ARMH4: variants seen among roughly 807,000 people sequenced by gnomAD.
ARMH4 encodes armadillo-like helical domain-containing protein 4.
Under a neutral mutation model 61.9 loss-of-function variants are expected in ARMH4, and 49 were observed. The ratio of observed to expected loss-of-function variants is 0.79; its 90% CI spans 0.63 to 1.00. The LOEUF (loss-of-function observed/expected upper bound fraction) is 1.00. Ranked by LOEUF, ARMH4 falls within the 50% of genes least tolerant of loss-of-function variation. ARMH4 has a pLI of 0.00. For missense variants in ARMH4, 934 were observed against 930.0 expected (o/e 1.00, Z -0.06); for synonymous variants, 368 against 341.5 (o/e 1.08, Z -0.85).
intron 1 of ARMH4, among the ~76,000 whole-genome samples, chr14:58,151,509 G>A (rs1887920825): frequency 6.6e-6 from 1 of 152,120 alleles, no homozygotes. Context: ...GCTGAGCAAG[G>A]AGGCTCGACA....
intron 5 of ARMH4, among the ~76,000 whole-genome samples, chr14:58,085,806 G>T (rs909176620): frequency 6.6e-6 from 1 of 152,152 alleles, no homozygotes; most frequent in Non-Finnish European, 1.5e-5. Flanking sequence ...TAACCAACAA[G>T]TTCAAATTTA....
chr14:58,139,414 C>A lies in ARMH4; in HGVS notation c.-56G>T. 1 of 1,530,236 alleles carries A rather than the reference C, an allele frequency of 6.5e-7. No homozygotes were observed. Among genetic ancestry groups the A allele is most frequent in the Non-Finnish European group, 9.0e-7 (1 of 1,112,786 alleles). 94.8% of individuals were successfully genotyped at this position (1,530,236 alleles called of 1,614,324 possible). A position where few individuals can be genotyped will look rare whatever the true frequency, so the allele number is the denominator to read the frequency against. ...GAGTTGACAAGTCCAGTAATTGAAT[C>A]CTGCAGAAAAATAAAGCATATCAAA... is the stretch of plus-strand genomic sequence containing the variant. On this transcript the variant is annotated splice_region_variant and 5_prime_UTR_variant, in exon 2 of 8. Transcript: ENST00000267485.
chr14:58,050,181 G>A (rs1884089586), intron 5 of ARMH4, among the ~76,000 whole-genome samples: 1 of 152,154 alleles, frequency 6.6e-6, no homozygotes, highest in Non-Finnish European at 1.5e-5. Flanking sequence ...TTACCTCTGT[G>A]CGTTGCTCTT....
chr14:58,135,594 T>G (rs1887277159), intron 2 of ARMH4, among the ~76,000 whole-genome samples: 1 of 152,076 alleles, frequency 6.6e-6, no homozygotes, highest in African/African-American at 2.4e-5. Context: ...AAAATAAACT[T>G]TAAAGTTTCC....
Position 58,111,952 on chromosome 14 carries a change from C to T in ARMH4, c.1832-14971G>A, listed in dbSNP as rs79387265. Reference sequence around the variant, plus strand: ...AAGCAATCCTTCTGCCTTCGCCCCCCTAAAGTTCTGGGATTAAAGGCATGA... The same window carrying T: ...AAGCAATCCTTCTGCCTTCGCCCCCTTAAAGTTCTGGGATTAAAGGCATGA... On this transcript the variant is annotated intron_variant, in intron 4 of 7. Coordinates refer to ENST00000267485, the MANE Select transcript of ARMH4 (RefSeq NM_001001872.4). Among the ~76,000 whole-genome samples the T allele has an allele frequency of 9.9e-5, 15 of 152,276 alleles. 1 individual carries two copies. The East Asian group carries it at 2.9e-3, about 29-fold the overall frequency.
chr14:58,094,258 A>T (rs1450596191), intron 5 of ARMH4, among the ~76,000 whole-genome samples: 1 of 149,326 alleles, frequency 6.7e-6, no homozygotes, highest in Non-Finnish European at 1.5e-5. Flanking sequence ...TGAACCCGGG[A>T]GGCAGAATTT....
chr14:58,024,456 C>T (rs1238909250), intron 5 of ARMH4, among the ~76,000 whole-genome samples: 1 of 152,260 alleles, frequency 6.6e-6, no homozygotes, highest in East Asian at 1.9e-4. Context: ...TAGACTTTGG[C>T]TTAAGGGAAT....
chr14:58,141,736 T>A (rs1887562231), intron 1 of ARMH4: 1 of 195,618 alleles, frequency 5.1e-6, no homozygotes, highest in Non-Finnish European at 1.0e-5. Context: ...CAATAAAGTG[T>A]CCCTTTCATT....
intron 5 of ARMH4, among the ~76,000 whole-genome samples, chr14:58,065,811 T>C (rs1249092645): frequency 6.6e-6 from 1 of 152,258 alleles, no homozygotes; most frequent in East Asian, 1.9e-4. Context: ...ATTTTCTCTG[T>C]CATTGGCTTT....
At chr14:58,018,410 C>A (rs1406807430) in intron 5 of ARMH4, among the ~76,000 whole-genome samples, 1 of 150,964 alleles carries the variant, frequency 6.6e-6, no homozygotes, top group Non-Finnish European at 1.5e-5. Flanking sequence ...ATATAATGAA[C>A]TCATACAACT....
At chr14:58,122,152 T>C (rs557450996) in intron 4 of ARMH4, among the ~76,000 whole-genome samples, 7 of 152,162 alleles carry the variant, frequency 4.6e-5, no homozygotes, top group South Asian at 4.1e-4. Context: ...CACTACAGAA[T>C]CACAAATAGC....
intron 5 of ARMH4, among the ~76,000 whole-genome samples, chr14:58,014,028 A>AAAAGAAAGAAAG (rs34882144): frequency 4.7e-5 from 7 of 150,222 alleles, no homozygotes; most frequent in African/African-American, 1.7e-4. Context: ...CATCTCAAAA[A>AAAAGAAAGAAAG]AAAGAAAGAA....
chr14:58,077,790 C>T (rs530369297), intron 5 of ARMH4, among the ~76,000 whole-genome samples: 29 of 152,346 alleles, frequency 1.9e-4, no homozygotes, highest in African/African-American at 7.0e-4. Flanking sequence ...ATCTTTTTTA[C>T]TCCACTGCTC....
At chr14:58,065,777 T>C (rs1165139910) in intron 5 of ARMH4, among the ~76,000 whole-genome samples, 1 of 152,248 alleles carries the variant, frequency 6.6e-6, no homozygotes, top group Non-Finnish European at 1.5e-5. Context: ...TTACATAAGA[T>C]TGCAATGTCT....
rs866113123 is a variant in ARMH4, at chr14:58,032,710, C to T, written c.2090-20560G>A. On this transcript the variant is annotated intron_variant, in intron 5 of 7. Coordinates refer to ENST00000267485, the MANE Select transcript of ARMH4 (RefSeq NM_001001872.4). ...GTGTGTGCGCGCACCGTGCGCGAGCCGAAGCAGGGTGAGGCATTGCCTCAC... is the reference window on the plus strand; with the variant it reads ...GTGTGTGCGCGCACCGTGCGCGAGCTGAAGCAGGGTGAGGCATTGCCTCAC... Among the ~76,000 whole-genome samples, 1,159 of 151,930 alleles carry T rather than the reference C, an allele frequency of 7.6e-3. 16 individuals carry two copies. Among genetic ancestry groups the T allele is most frequent in the African/African-American group, 0.027 (1,106 of 41,462 alleles).
chr14:58,094,106 G>A (rs545338417), intron 5 of ARMH4, among the ~76,000 whole-genome samples: 2 of 152,208 alleles, frequency 1.3e-5, no homozygotes, highest in South Asian at 4.2e-4. Context: ...ACGGCGGGCA[G>A]ATCACCTAAG....
At position 58,138,601 on chromosome 14, in the gene ARMH4, T is replaced by C; in HGVS notation, c.758A>G (p.Asp253Gly). 6.2e-7 allele frequency: 1 copy of C among 1,614,230 alleles called. No individual in the cohort carries two copies. Among genetic ancestry groups the C allele is most frequent in the South Asian group, 1.1e-5 (1 of 91,086 alleles). The change falls in exon 2 of 8, where the codon GAT becomes GGT. Residue 253 changes from aspartate (D) to glycine (G), a missense_variant. Asp to Gly is a moderately conservative substitution (Grantham distance 94, BLOSUM62 -1). Coordinates refer to ENST00000267485, the MANE Select transcript of ARMH4 (RefSeq NM_001001872.4). ...AGSEPGSLTP[D>G]KEKPSQMTAD... ...TGTCATCTGCGAAGGCTTCTCCTTA[T>C]CAGGGGTGAGGCTTCCAGGCTCACT... is the stretch of plus-strand genomic sequence containing the variant.
intron 1 of ARMH4, among the ~76,000 whole-genome samples, chr14:58,149,946 T>C (rs1887868365): frequency 1.3e-5 from 2 of 152,204 alleles, no homozygotes. Flanking sequence ...CAGCCACAAA[T>C]GGAGTAGCAT....
chr14:58,028,800 C>G (rs1431031222), intron 5 of ARMH4, among the ~76,000 whole-genome samples: 3 of 152,198 alleles, frequency 2.0e-5, no homozygotes, highest in Non-Finnish European at 4.4e-5. Context: ...GTATCCAGCA[C>G]TTCTCTGTGT....
Sources: gnomAD v4.1 joint callset for allele counts (sites outside exome capture counted in the v4.1 genomes callset) on GRCh38, gnomAD v4.1.1 for gene constraint, MANE v1.5 for transcripts, NCBI Gene and HGNC (gene_info 2026-07-23, HGNC 2026-07-21) for gene names.